The following FAM171A1 variants were observed in gnomAD, a reference collection of about 807,000 sequenced individuals.
FAM171A1 encodes family with sequence similarity 171 member A1, also known as protein FAM171A1.
A neutral mutation model predicts 74.9 loss-of-function variants in FAM171A1; 23 were observed. The ratio of observed to expected loss-of-function variants is 0.31; its 90% confidence interval spans 0.22 to 0.44. FAM171A1 has a LOEUF of 0.44. FAM171A1 is among the 20% of genes least tolerant of loss of function. FAM171A1 has a pLI of 1.00. For missense variants in FAM171A1, 1,162 were observed against 1,159.2 expected (o/e 1.00, Z -0.03); for synonymous variants, 527 against 505.7 (o/e 1.04, Z -0.57).
intron 1 of FAM171A1, among the ~76,000 whole-genome samples, chr10:15,286,018 G>T (rs1387456366): frequency 6.6e-6 from 1 of 152,156 alleles, no homozygotes; most frequent in Admixed American, 6.5e-5. Context: ...TCATCTCTAG[G>T]CCCCAGTTTC....
intron 1 of FAM171A1, among the ~76,000 whole-genome samples, chr10:15,300,763 C>T (rs1835218769): frequency 6.6e-6 from 1 of 152,118 alleles, no homozygotes; most frequent in African/African-American, 2.4e-5. Flanking sequence ...GGGGTAGTGG[C>T]CCTGCCCATA....
chr10:15,323,683 A>G (rs1835515424), intron 1 of FAM171A1, among the ~76,000 whole-genome samples: 1 of 152,172 alleles, frequency 6.6e-6, no homozygotes, highest in African/African-American at 2.4e-5. Context: ...AAACAGCCCA[A>G]TGCATACACT....
At chr10:15,360,347 T>C (rs1279541841) in intron 1 of FAM171A1, among the ~76,000 whole-genome samples, 1 of 152,222 alleles carries the variant, frequency 6.6e-6, no homozygotes, top group Non-Finnish European at 1.5e-5. Context: ...GGTGGCTAAA[T>C]TGCTCCATTT....
At chr10:15,249,514 C>T (rs916565769) in intron 4 of FAM171A1, among the ~76,000 whole-genome samples, 2 of 152,192 alleles carry the variant, frequency 1.3e-5, no homozygotes, top group African/African-American at 4.8e-5. Context: ...ATAACTTTTA[C>T]ACAAAGTGAG....
intron 6 of FAM171A1, among the ~76,000 whole-genome samples, chr10:15,218,475 G>C (rs775041817): frequency 1.3e-5 from 2 of 152,112 alleles, no homozygotes; most frequent in Non-Finnish European, 2.9e-5. Flanking sequence ...AAATTATTTT[G>C]TTGTTGCTTT....
intron 5 of FAM171A1, among the ~76,000 whole-genome samples, chr10:15,239,670 G>A (rs1834339454): frequency 1.3e-5 from 2 of 152,080 alleles, no homozygotes; most frequent in African/African-American, 4.8e-5. Flanking sequence ...GGGCACAATT[G>A]GATCATTACA....
intron 3 of FAM171A1, among the ~76,000 whole-genome samples, chr10:15,260,428 A>G (rs1226878642): frequency 6.6e-6 from 1 of 152,158 alleles, no homozygotes; most frequent in Non-Finnish European, 1.5e-5. Context: ...TTTGGGCTTC[A>G]GGTTATCTTT....
chr10:15,275,148 T>C (rs1373216175), intron 3 of FAM171A1, among the ~76,000 whole-genome samples: 1 of 152,148 alleles, frequency 6.6e-6, no homozygotes, highest in Non-Finnish European at 1.5e-5. Context: ...ATATACCTAA[T>C]GTAAATGACG....
chr10:15,348,257 G>T (rs1835839681), intron 1 of FAM171A1, among the ~76,000 whole-genome samples: 1 of 152,180 alleles, frequency 6.6e-6, no homozygotes, highest in Non-Finnish European at 1.5e-5. Context: ...GGGATTACAG[G>T]CGTGAGCCAC....
rs1398522038 is a variant in FAM171A1, at chr10:15,211,748, A to C, written c.*1167T>G. On this transcript the variant is annotated 3_prime_UTR_variant, in exon 8 of 8. Transcript: ENST00000378116. The stretch of plus-strand genomic sequence containing the variant: ...TCATTCTGGCACTTTTGGATAGTAC[A>C]TAAGATTTTCTTTTTTTTTTTTAAA... 1 of 151,296 alleles carries C rather than the reference A, an allele frequency of 6.6e-6. No individual in the cohort carries two copies. The highest frequency in any genetic ancestry group is 1.5e-5 in the Non-Finnish European group (1 of 68,008). The allele number at this position is 151,296 out of a possible 1,614,324, so 9.4% of individuals were successfully genotyped here.
At chr10:15,306,947 G>T (rs1159714320) in intron 1 of FAM171A1, among the ~76,000 whole-genome samples, 2 of 152,138 alleles carry the variant, frequency 1.3e-5, no homozygotes, top group Admixed American at 1.3e-4. Context: ...CACGCCATGT[G>T]CCCTTCAAAA....
rs185982613 is a variant in FAM171A1 at position 15,362,956 on chromosome 10, T to C, written c.97+8000A>G. The stretch of plus-strand genomic sequence containing the variant: ...AATAATCAAGCTTATGCAAAAAATA[T>C]AATGCCCCTCCCCGACAGACCACCT... On this transcript the variant is annotated intron_variant, in intron 1 of 7. Transcript: ENST00000378116. Among the ~76,000 whole-genome samples, 45 of 152,330 alleles carry C rather than the reference T, an allele frequency of 3.0e-4. 1 individual carries two copies. The highest frequency in any genetic ancestry group is 1.3e-3 in the Admixed American group (20 of 15,292).
rs564176841 is a variant in FAM171A1 at position 15,354,626 on chromosome 10, A to G, written c.97+16330T>C. ...GTCCGATCTGTAAGTCCTTTCTCCA[A>G]CAGCACTTCACATAAAGAGAAGAAA... is the stretch of plus-strand genomic sequence containing the variant. On this transcript the variant is annotated intron_variant, in intron 1 of 7. Transcript: ENST00000378116. 1.2e-4 allele frequency among the ~76,000 whole-genome samples: 19 copies of G among 152,304 alleles called. No individual in the cohort carries two copies. In the South Asian group the frequency reaches 3.5e-3, roughly 28 times the overall value.
chr10:15,356,984 A>T (rs996402032), intron 1 of FAM171A1, among the ~76,000 whole-genome samples: 1 of 151,410 alleles, frequency 6.6e-6, no homozygotes, highest in African/African-American at 2.4e-5. Context: ...ACAAAAACAA[A>T]CAAACAAAAA....
chr10:15,212,267 C>CAGCG lies in FAM171A1; in HGVS notation c.*644_*647dup, dbSNP rs950250833. Reference sequence around the variant, plus strand: ...GGCTTGGATGTTAAGAGAGGACACTCAGCGGTTCCTGAAGGGAGACGCTGA... The same window carrying CAGCG: ...GGCTTGGATGTTAAGAGAGGACACTCAGCGAGCGGTTCCTGAAGGGAGACGCTGA... On this transcript the variant is annotated 3_prime_UTR_variant, in exon 8 of 8. Coordinates refer to ENST00000378116, the MANE Select transcript of FAM171A1 (RefSeq NM_001010924.2). 2.0e-5 allele frequency: 3 copies of CAGCG among 153,248 alleles called. No individual in the cohort carries two copies. The highest frequency in any genetic ancestry group is 4.4e-5 in the Non-Finnish European group (3 of 68,570). The allele number at this position is 153,248 out of a possible 1,614,324, so 9.5% of individuals were successfully genotyped here. A position where few individuals can be genotyped will look rare whatever the true frequency, so the allele number is the denominator to read the frequency against.
At position 15,303,685 on chromosome 10, in the gene FAM171A1, C is replaced by T. The variant is rs530672084; in HGVS notation, c.98-19580G>A. Among the ~76,000 whole-genome samples the T allele has an allele frequency of 8.5e-5, 13 of 152,314 alleles. No individual in the cohort carries two copies. In the South Asian group the frequency reaches 2.7e-3, roughly 32 times the overall value. The stretch of plus-strand genomic sequence containing the variant: ...TTTGTCTTACATTTACAAGTTGATG[C>T]TATTTTAAATTATCCTTCACATTGG... On this transcript the variant is annotated intron_variant, in intron 1 of 7. Coordinates refer to ENST00000378116, the MANE Select transcript of FAM171A1 (RefSeq NM_001010924.2).
chr10:15,328,376 C>T (rs112610963), intron 1 of FAM171A1, among the ~76,000 whole-genome samples: 11,589 of 152,208 alleles, frequency 0.076, 497 homozygotes, highest in South Asian at 0.12. Flanking sequence ...GGACTCCTGA[C>T]GTCAGGTGAT....
intron 5 of FAM171A1, among the ~76,000 whole-genome samples, chr10:15,235,811 G>A (rs149481462): frequency 3.9e-4 from 60 of 152,186 alleles, no homozygotes; most frequent in African/African-American, 1.3e-3. Flanking sequence ...TCAAAGAAGC[G>A]GTCTGGATCT....
chr10:15,241,777 A>G (rs1180423557), intron 5 of FAM171A1: 1 of 152,018 alleles, frequency 6.6e-6, no homozygotes, highest in Non-Finnish European at 1.5e-5. Flanking sequence ...CTCTTAGTAA[A>G]TTTTAAGTAT....
Sources: gnomAD v4.1 joint callset for allele counts (sites outside exome capture counted in the v4.1 genomes callset) on GRCh38, gnomAD v4.1.1 for gene constraint, MANE v1.5 for transcripts, NCBI Gene and HGNC (gene_info 2026-07-23, HGNC 2026-07-21) for gene names.